The following PDZRN3 variants were observed in gnomAD, a reference collection of about 807,000 sequenced individuals.
The protein encoded by PDZRN3 is PDZ domain containing ring finger 3.
PDZRN3 carries 38 observed loss-of-function variants against 85.7 expected under a neutral mutation model. The ratio of observed to expected loss-of-function variants is 0.44; its 90% confidence interval spans 0.34 to 0.58. The LOEUF is 0.58. Among genes scored for constraint, PDZRN3 ranks in the 20% least tolerant of loss-of-function variants. PDZRN3 has a pLI of 0.01. For synonymous variants in PDZRN3, 759 were observed against 638.0 expected, an observed-to-expected ratio of 1.19 and a Z score of -2.86; for missense variants, 1,629 against 1,506.4, an observed-to-expected ratio of 1.08 and a Z score of -1.35.
chr3:73,604,319 T>C (rs1203899367), intron 2 of PDZRN3, among the ~76,000 whole-genome samples: 1 of 152,182 alleles, frequency 6.6e-6, no homozygotes, highest in Admixed American at 6.5e-5. Context: ...ACCAGGTACA[T>C]AGTGAGTGCT....
At chr3:73,458,754 G>A (rs181578320) in intron 3 of PDZRN3, among the ~76,000 whole-genome samples, 38 of 151,956 alleles carry the variant, frequency 2.5e-4, no homozygotes, top group African/African-American at 8.7e-4. Flanking sequence ...CACTTTGGGA[G>A]GCTGAGACAG....
chr3:73,568,813 C>T (rs1178578700), intron 3 of PDZRN3, among the ~76,000 whole-genome samples: 10 of 152,158 alleles, frequency 6.6e-5, no homozygotes, highest in Admixed American at 5.2e-4. Flanking sequence ...AAAGTCAAAT[C>T]CTGGGATTAA....
At chr3:73,453,923 A>G (rs755121954) in intron 3 of PDZRN3, among the ~76,000 whole-genome samples, 9 of 152,226 alleles carry the variant, frequency 5.9e-5, no homozygotes, top group Non-Finnish European at 1.0e-4. Flanking sequence ...GTGTTGGCCA[A>G]TATAAATAAC....
intron 3 of PDZRN3, among the ~76,000 whole-genome samples, chr3:73,478,353 G>T (rs1189083087): frequency 2.0e-5 from 3 of 152,020 alleles, no homozygotes; most frequent in Admixed American, 2.0e-4. Flanking sequence ...TTTCATAGGA[G>T]CATGGACTCT....
chr3:73,476,705 T>C lies in PDZRN3; in HGVS notation c.919-72310A>G, dbSNP rs112697524. Among the ~76,000 whole-genome samples, 802 of 152,306 alleles carry C rather than the reference T, an allele frequency of 5.3e-3. 8 individuals carry two copies. Among genetic ancestry groups the C allele is most frequent in the African/African-American group, 0.018 (736 of 41,580 alleles). ...GATCATTTGCTCTGGGGGAAGCCAG[T>C]TGACGTATCACAAGGATCCCTTTTG... is the stretch of plus-strand genomic sequence containing the variant. On this transcript the variant is annotated intron_variant, in intron 3 of 9. Transcript: ENST00000263666.
chr3:73,413,819 G>A (rs994373361), intron 3 of PDZRN3, among the ~76,000 whole-genome samples: 2 of 152,118 alleles, frequency 1.3e-5, no homozygotes, highest in Non-Finnish European at 2.9e-5. Flanking sequence ...AAAGGAGAAC[G>A]TTCATGGTGC....
intron 3 of PDZRN3, among the ~76,000 whole-genome samples, chr3:73,575,235 A>G (rs116633913): frequency 3.3e-5 from 5 of 152,324 alleles, no homozygotes; most frequent in African/African-American, 1.2e-4. Context: ...TATAGAGCAA[A>G]TACAGTATGT....
chr3:73,406,535 G>A (rs145811088), intron 3 of PDZRN3, among the ~76,000 whole-genome samples: 2 of 152,276 alleles, frequency 1.3e-5, no homozygotes, highest in African/African-American at 4.8e-5. Context: ...GCACCCTTAG[G>A]AGGTGTGGCT....
intron 2 of PDZRN3, 136 bp downstream of exon 2, chr3:73,608,462 G>C: frequency 1.5e-6 from 1 of 684,238 alleles, no homozygotes; most frequent in African/African-American, 1.8e-5. Context: ...ATGTTAGACA[G>C]CCAATGAACC....
chr3:73,620,771 T>C (rs1702846355), intron 1 of PDZRN3, among the ~76,000 whole-genome samples: 1 of 151,460 alleles, frequency 6.6e-6, no homozygotes, highest in African/African-American at 2.4e-5. Context: ...AGAGACGGGG[T>C]TTCACCGTGT....
chr3:73,593,081 A>G (rs1393570721), intron 3 of PDZRN3, among the ~76,000 whole-genome samples: 8 of 140,202 alleles, frequency 5.7e-5, no homozygotes, highest in Admixed American at 1.5e-4. Flanking sequence ...AGATGAAAAG[A>G]CAAAAACTTC....
chr3:73,591,993 T>C (rs574015546), intron 3 of PDZRN3, among the ~76,000 whole-genome samples: 20 of 152,310 alleles, frequency 1.3e-4, no homozygotes, highest in Admixed American at 1.0e-3. Context: ...AGTGAACATA[T>C]GTCTACTAAT....
chr3:73,456,183 AATGTGTGTG>A (rs1702972359), intron 3 of PDZRN3, among the ~76,000 whole-genome samples: 5 of 77,294 alleles, frequency 6.5e-5, no homozygotes, highest in African/African-American at 1.6e-4. Context: ...AGAGAAGAAA[AATGTGTGTG>A]TGTGTGTGTG....
chr3:73,469,361 A>G (rs55739950), intron 3 of PDZRN3, among the ~76,000 whole-genome samples: 44,536 of 151,962 alleles, frequency 0.29, 8,418 homozygotes, highest in African/African-American at 0.55. Flanking sequence ...GTGAGCCACC[A>G]CTCCCGGTCA....
intron 3 of PDZRN3, among the ~76,000 whole-genome samples, chr3:73,594,468 A>G (rs1376364890): frequency 6.6e-6 from 1 of 152,172 alleles, no homozygotes; most frequent in Non-Finnish European, 1.5e-5. Context: ...AATTGCAAAA[A>G]TCCTTTACCT....
chr3:73,569,229 C>T (rs1325480214), intron 3 of PDZRN3: 4 of 1,287,482 alleles, frequency 3.1e-6, no homozygotes, highest in Non-Finnish European at 4.0e-6. Context: ...TTCATAAATA[C>T]TTCAGTCTGC....
At chr3:73,530,684 T>C (rs963190656) in intron 3 of PDZRN3, among the ~76,000 whole-genome samples, 1 of 152,054 alleles carries the variant, frequency 6.6e-6, no homozygotes, top group African/African-American at 2.4e-5. Flanking sequence ...AAACCAGAAA[T>C]TTTGGATTTA....
intron 3 of PDZRN3, among the ~76,000 whole-genome samples, chr3:73,511,898 C>T (rs991935408): frequency 6.6e-6 from 1 of 152,232 alleles, no homozygotes; most frequent in Non-Finnish European, 1.5e-5. Flanking sequence ...ATTTCCATTT[C>T]ACAGAAACCA....
intron 3 of PDZRN3, among the ~76,000 whole-genome samples, chr3:73,521,680 ATTC>A (rs755591113): frequency 3.0e-4 from 46 of 151,494 alleles, no homozygotes; most frequent in Middle Eastern, 3.4e-3. Flanking sequence ...CGTTGTAATT[ATTC>A]TTCTTATTAT....
Sources: gnomAD v4.1 joint callset for allele counts (sites outside exome capture counted in the v4.1 genomes callset) on GRCh38, gnomAD v4.1.1 for gene constraint, MANE v1.5 for transcripts, NCBI Gene and HGNC (gene_info 2026-07-23, HGNC 2026-07-21) for gene names.